The following AMMECR1 variants were observed in gnomAD, a reference collection of about 807,000 sequenced individuals.
AMMECR1 encodes the protein nuclear protein AMMECR1.
A neutral mutation model predicts 22.5 loss-of-function variants in AMMECR1; 3 were observed. The ratio of observed to expected loss-of-function variants is 0.13; its 90% confidence interval spans 0.06 to 0.35. AMMECR1 has a LOEUF of 0.35. Among genes scored for constraint, AMMECR1 ranks in the 10% least tolerant of loss-of-function variants. The pLI is 1.00. For synonymous variants in AMMECR1, 130 were observed against 116.7 expected, an observed-to-expected ratio of 1.11 and a Z score of -0.74; for missense variants, 235 against 278.7, an observed-to-expected ratio of 0.84 and a Z score of 1.12.
At chrX:110,248,982 G>A (rs1050833685) in intron 2 of AMMECR1, among the ~76,000 whole-genome samples, 1 of 112,158 alleles carries the variant, frequency 8.9e-6, no homozygotes, top group Non-Finnish European at 1.9e-5. Flanking sequence ...TCAGTTTGGG[G>A]AGTATGTATC....
At chrX:110,310,095 G>A (rs2068016879) in intron 1 of AMMECR1, among the ~76,000 whole-genome samples, 1 of 112,643 alleles carries the variant, frequency 8.9e-6, no homozygotes, top group African/African-American at 3.2e-5. Context: ...AAGTCACAAA[G>A]TGGGGGAGTG....
At chrX:110,326,125 G>A (rs1324091403) in intron 2 of AMMECR1, among the ~76,000 whole-genome samples, 1 of 110,865 alleles carries the variant, frequency 9.0e-6, no homozygotes, top group Admixed American at 9.6e-5. Context: ...GAGTAGCTGG[G>A]ATTCCAGGTG....
intron 2 of AMMECR1, among the ~76,000 whole-genome samples, chrX:110,245,240 C>T (rs2067652757): frequency 8.9e-6 from 1 of 112,025 alleles, no homozygotes; most frequent in Non-Finnish European, 1.9e-5. Context: ...GGCCTGACTA[C>T]TGGCAATTGT....
chrX:110,279,952 A>G (rs188389105), intron 1 of AMMECR1, among the ~76,000 whole-genome samples: 1 of 111,995 alleles, frequency 8.9e-6, no homozygotes, highest in Admixed American at 9.5e-5. Flanking sequence ...GCAGATATAA[A>G]AGGGCATTTT....
chrX:110,276,517 C>A (rs1170838516), intron 1 of AMMECR1, among the ~76,000 whole-genome samples: 1 of 112,114 alleles, frequency 8.9e-6, no homozygotes, highest in Non-Finnish European at 1.9e-5. Flanking sequence ...TTTTGTCATG[C>A]AGTTAAATTA....
chrX:110,417,645 A>C (rs1382360283), intron 2 of AMMECR1, among the ~76,000 whole-genome samples: 1 of 112,112 alleles, frequency 8.9e-6, no homozygotes, highest in East Asian at 2.8e-4. Context: ...GACTGGCCCA[A>C]GGTCACATTT....
chrX:110,348,705 T>C (rs930713855), intron 2 of AMMECR1, among the ~76,000 whole-genome samples: 15 of 111,965 alleles, frequency 1.3e-4, no homozygotes, highest in Non-Finnish European at 2.3e-4. Flanking sequence ...CACAAAACAA[T>C]ATATAATATG....
At chrX:110,318,114 G>A, upstream of AMMECR1, 1 of 1,067,878 alleles carries the variant, frequency 9.4e-7, no homozygotes, top group Middle Eastern at 3.7e-4. Context: ...ACCCATAAGT[G>A]AGGCGAGCTG....
chrX:110,220,954 G>A (rs374230400), intron 2 of AMMECR1, among the ~76,000 whole-genome samples: 25 of 112,440 alleles, frequency 2.2e-4, no homozygotes, highest in Middle Eastern at 4.6e-3. Flanking sequence ...AAGGCTCATC[G>A]TAAACGATAG....
At chrX:110,237,939 G>T (rs1352584691) in intron 2 of AMMECR1, among the ~76,000 whole-genome samples, 1 of 112,344 alleles carries the variant, frequency 8.9e-6, no homozygotes, top group African/African-American at 3.2e-5. Context: ...GTTTGGAAAA[G>T]AAGGGTCTGC....
intron 2 of AMMECR1, among the ~76,000 whole-genome samples, chrX:110,361,042 T>G (rs905481225): frequency 1.8e-5 from 2 of 110,907 alleles, no homozygotes; most frequent in Non-Finnish European, 3.8e-5. Flanking sequence ...AATTGCCTGC[T>G]GGACATATCA....
rs749689932 is a variant in AMMECR1 at position 110,195,414 on chromosome X, C to G, written c.*3106G>C. 5 of 111,870 alleles carry G rather than the reference C, an allele frequency of 4.5e-5. No individual in the cohort carries two copies. The highest frequency in any genetic ancestry group is 9.4e-5 in the Non-Finnish European group (5 of 53,147). 9.2% of individuals were successfully genotyped at this position (111,870 alleles called of 1,213,427 possible). On this transcript the variant is annotated 3_prime_UTR_variant, in exon 6 of 6. Transcript: ENST00000262844. Reference sequence around the variant, plus strand: ...TTTTAGAATCTGGTACCTGGCTGACCTTGTTTAAGAACAAGAAAACCCTTC... The same window carrying G: ...TTTTAGAATCTGGTACCTGGCTGACGTTGTTTAAGAACAAGAAAACCCTTC...
At chrX:110,268,227 C>T (rs1277279503) in intron 1 of AMMECR1, among the ~76,000 whole-genome samples, 1 of 111,999 alleles carries the variant, frequency 8.9e-6, no homozygotes, top group East Asian at 2.8e-4. Flanking sequence ...TCCTTACCTA[C>T]CCCAGGCAAC....
intron 1 of AMMECR1, 85 bp downstream of exon 1, chrX:110,317,514 G>T (rs2068055046): frequency 9.2e-7 from 1 of 1,083,593 alleles, no homozygotes; most frequent in Admixed American, 3.9e-5. Flanking sequence ...GCATCCGCCG[G>T]CCGGGAGGCG....
chrX:110,338,051 C>G (rs2068147702), intron 2 of AMMECR1, among the ~76,000 whole-genome samples: 1 of 111,438 alleles, frequency 9.0e-6, no homozygotes, highest in Non-Finnish European at 1.9e-5. Flanking sequence ...CAGTGATTGC[C>G]AGGGACTGAG....
At chrX:110,430,762 A>T (rs1353010878) in intron 1 of AMMECR1, among the ~76,000 whole-genome samples, 1 of 112,450 alleles carries the variant, frequency 8.9e-6, no homozygotes, top group African/African-American at 3.2e-5. Flanking sequence ...AGCTCTTTGA[A>T]ATGCTCAACA....
intron 2 of AMMECR1, among the ~76,000 whole-genome samples, chrX:110,242,919 G>A (rs2067640773): frequency 8.9e-6 from 1 of 112,194 alleles, no homozygotes; most frequent in African/African-American, 3.2e-5. Context: ...GGCTATTACA[G>A]TATATTAGCA....
chrX:110,325,545 T>C, intron 2 of AMMECR1, among the ~76,000 whole-genome samples: 1 of 112,327 alleles, frequency 8.9e-6, no homozygotes. Context: ...TTTCTAGGAA[T>C]TGGTTCATTT....
chrX:110,387,638 C>T (rs1043623282), intron 2 of AMMECR1, among the ~76,000 whole-genome samples: 1 of 111,704 alleles, frequency 9.0e-6, no homozygotes. Context: ...AGAATATCAA[C>T]TAAAACCCAC....
Sources: gnomAD v4.1 joint callset for allele counts (sites outside exome capture counted in the v4.1 genomes callset) on GRCh38, gnomAD v4.1.1 for gene constraint, MANE v1.5 for transcripts, NCBI Gene and HGNC (gene_info 2026-07-23, HGNC 2026-07-21) for gene names.